LINGO2: variants seen among roughly 807,000 people sequenced by gnomAD.
The protein encoded by LINGO2 is leucine-rich repeat and immunoglobulin-like domain-containing nogo receptor-interacting protein 2.
Under a neutral mutation model 30.6 loss-of-function variants are expected in LINGO2, and 14 were observed. That is an observed-to-expected ratio of 0.46 (90% confidence interval 0.30 to 0.72). The LOEUF is 0.72. Among genes scored for constraint, LINGO2 ranks in the 30% least tolerant of loss-of-function variants. The probability of loss-of-function intolerance (pLI) is 0.07; values close to 1 mark genes in which losing one functional copy is unlikely to be tolerated. For synonymous variants in LINGO2, 317 were observed against 288.5 expected (o/e 1.10, Z -1.00); for missense variants, 729 against 751.7 (o/e 0.97, Z 0.35).
At chr9:28,688,969 A>G in the LINGO2 span, among the ~76,000 whole-genome samples, 1 of 152,178 alleles carries the variant, frequency 6.6e-6, no homozygotes, top group Non-Finnish European at 1.5e-5. Context: ...GCTGCTGTTC[A>G]TGATCTTGCA....
intron 4 of LINGO2, among the ~76,000 whole-genome samples, chr9:28,084,357 AGG>A (rs1041827227): frequency 6.6e-6 from 1 of 152,096 alleles, no homozygotes; most frequent in African/African-American, 2.4e-5. Context: ...AATTTGAGAC[AGG>A]GGGGCAAAAG....
intron 1 of LINGO2, among the ~76,000 whole-genome samples, chr9:28,550,901 GA>G (rs1165689720): frequency 1.3e-5 from 2 of 151,782 alleles, no homozygotes; most frequent in African/African-American, 4.8e-5. Flanking sequence ...TTCCTATGGT[GA>G]AAATTTAAAT....
intron 1 of LINGO2, among the ~76,000 whole-genome samples, chr9:28,649,563 T>A (rs924697193): frequency 6.6e-6 from 1 of 151,256 alleles, no homozygotes; most frequent in African/African-American, 2.4e-5. Flanking sequence ...CAACCTAAAT[T>A]ATATGCTACA....
At chr9:28,949,066 C>T in the LINGO2 span, among the ~76,000 whole-genome samples, 8 of 152,002 alleles carry the variant, frequency 5.3e-5, no homozygotes, top group South Asian at 1.2e-3. Context: ...GTAAGAAATT[C>T]GTGTTTTTAA....
chr9:27,961,926 T>TC (rs1158925955), intron 5 of LINGO2, among the ~76,000 whole-genome samples: 1 of 152,150 alleles, frequency 6.6e-6, no homozygotes, highest in Non-Finnish European at 1.5e-5. Flanking sequence ...AGACCTGGTG[T>TC]CCTTCACTGA....
At chr9:28,481,466 T>A (rs557900052) in intron 1 of LINGO2, among the ~76,000 whole-genome samples, 2 of 152,212 alleles carry the variant, frequency 1.3e-5, no homozygotes, top group East Asian at 3.9e-4. Flanking sequence ...GACAGATTTG[T>A]GCATATTTAT....
At chr9:28,577,796 AG>A (rs1428936299) in intron 1 of LINGO2, among the ~76,000 whole-genome samples, 1 of 152,208 alleles carries the variant, frequency 6.6e-6, no homozygotes, top group African/African-American at 2.4e-5. Context: ...AAGTAGCACA[AG>A]GCAATATGGA....
the LINGO2 span, among the ~76,000 whole-genome samples, chr9:28,722,088 C>T: frequency 6.6e-6 from 1 of 151,830 alleles, no homozygotes; most frequent in African/African-American, 2.4e-5. Context: ...TAGGAGGGTA[C>T]CAATAAATAC....
chr9:28,772,510 G>C, the LINGO2 span, among the ~76,000 whole-genome samples: 2 of 152,178 alleles, frequency 1.3e-5, no homozygotes, highest in African/African-American at 4.8e-5. Flanking sequence ...TGAGACCCCA[G>C]CTTAGCAATT....
chr9:28,597,184 T>G (rs533697083), intron 1 of LINGO2, among the ~76,000 whole-genome samples: 2 of 152,198 alleles, frequency 1.3e-5, no homozygotes, highest in South Asian at 2.1e-4. Context: ...CCAATTTAAT[T>G]TCTAAGCATG....
intron 4 of LINGO2, among the ~76,000 whole-genome samples, chr9:28,273,026 T>A (rs1167538526): frequency 6.6e-6 from 1 of 152,174 alleles, no homozygotes; most frequent in Non-Finnish European, 1.5e-5. Context: ...ACCTTATGTA[T>A]TTTTTAGTTC....
At chr9:28,122,254 T>G (rs116887507) in intron 4 of LINGO2, among the ~76,000 whole-genome samples, 4 of 152,196 alleles carry the variant, frequency 2.6e-5, no homozygotes, top group African/African-American at 9.6e-5. Flanking sequence ...TCAGGAAAGA[T>G]AGACTCAAGC....
chr9:28,468,200 T>G (rs1825386233), intron 2 of LINGO2, among the ~76,000 whole-genome samples: 1 of 152,188 alleles, frequency 6.6e-6, no homozygotes, highest in Non-Finnish European at 1.5e-5. Flanking sequence ...AATTTCATAG[T>G]GTTTTACTTG....
At chr9:27,945,979 A>G (rs927103497), downstream of LINGO2, among the ~76,000 whole-genome samples, 1 of 152,136 alleles carries the variant, frequency 6.6e-6, no homozygotes, top group Non-Finnish European at 1.5e-5. Flanking sequence ...TTGGTAGTCT[A>G]TCGGAGGCCA....
chr9:28,844,289 G>T, the LINGO2 span, among the ~76,000 whole-genome samples: 1 of 151,792 alleles, frequency 6.6e-6, no homozygotes, highest in Non-Finnish European at 1.5e-5. Flanking sequence ...TTGAACCTGG[G>T]AGGTGGAGGT....
chr9:28,478,738 C>T (rs543254190), intron 1 of LINGO2, among the ~76,000 whole-genome samples: 1 of 152,062 alleles, frequency 6.6e-6, no homozygotes, highest in Non-Finnish European at 1.5e-5. Context: ...ACCATACATA[C>T]TTCTTCTCTT....
chr9:28,792,547 AT>A, the LINGO2 span, among the ~76,000 whole-genome samples: 1 of 152,100 alleles, frequency 6.6e-6, no homozygotes, highest in Non-Finnish European at 1.5e-5. Context: ...TACTAGTCTT[AT>A]TTTAGGTAGT....
chr9:28,374,921 A>G lies in LINGO2; in HGVS notation c.-278-2053T>C, dbSNP rs146055003. On this transcript the variant is annotated intron_variant, in intron 2 of 5. Coordinates refer to ENST00000379992, the Ensembl canonical transcript of LINGO2. ...AAACTGAAGGCAAACAAAAACAGGA[A>G]ATTAAAAAGATAAGGACAAAGTATA... Among the ~76,000 whole-genome samples, 284 of 152,274 alleles carry G rather than the reference A, an allele frequency of 1.9e-3. 1 individual carries two copies. Among genetic ancestry groups the G allele is most frequent in the African/African-American group, 6.5e-3 (271 of 41,560 alleles).
the LINGO2 span, among the ~76,000 whole-genome samples, chr9:28,694,794 G>T: frequency 6.6e-6 from 1 of 151,910 alleles, no homozygotes; most frequent in African/African-American, 2.4e-5. Flanking sequence ...AGGTGGAAGG[G>T]CAGTGTAGCC....
Sources: allele counts gnomAD v4.1 joint callset (sites outside exome capture counted in the v4.1 genomes callset), GRCh38; gene constraint gnomAD v4.1.1; transcripts MANE v1.5; gene names NCBI Gene and HGNC (gene_info 2026-07-23, HGNC 2026-07-21).